Variants in SKA2 observed in about 807,000 individuals in gnomAD.
SKA2 encodes spindle and kinetochore associated complex subunit 2, also known as spindle and kinetochore-associated protein 2.
Under a neutral mutation model 16.9 loss-of-function variants are expected in SKA2, and 13 were observed. That is an observed-to-expected ratio of 0.77 (90% CI 0.50 to 1.22). The LOEUF (loss-of-function observed/expected upper bound fraction) is 1.22. SKA2 is among the 50% of genes most tolerant of loss of function. The pLI, the probability that SKA2 is intolerant of heterozygous loss-of-function variation, is 0.00. For missense variants in SKA2, 107 were observed against 139.7 expected (o/e 0.77, Z 1.18); for synonymous variants, 47 against 48.5 (o/e 0.97, Z 0.13).
intron 1 of SKA2, among the ~76,000 whole-genome samples, chr17:59,131,754 T>C (rs2046413157): frequency 6.6e-6 from 1 of 152,208 alleles, no homozygotes; most frequent in Non-Finnish European, 1.5e-5. Context: ...CACTTTCAAT[T>C]TAAAACACAG....
chr17:59,154,184 AAAAGAAAAG>A (rs1388610980), intron 1 of SKA2, among the ~76,000 whole-genome samples: 4 of 149,308 alleles, frequency 2.7e-5, no homozygotes, highest in Admixed American at 2.6e-4. Flanking sequence ...AAAAAAAAAA[AAAAGAAAAG>A]AAAAGAAAAA....
chr17:59,152,572 T>C (rs1235432597), intron 1 of SKA2, among the ~76,000 whole-genome samples: 2 of 147,574 alleles, frequency 1.4e-5, no homozygotes, highest in African/African-American at 5.1e-5. Flanking sequence ...AAACACTTTC[T>C]TTTCAAATTA....
At chr17:59,135,032 A>G (rs1354684254) in intron 1 of SKA2, among the ~76,000 whole-genome samples, 2 of 151,926 alleles carry the variant, frequency 1.3e-5, no homozygotes, top group East Asian at 1.9e-4. Flanking sequence ...ACGGGGTTTC[A>G]CCATATTGGC....
intron 2 of SKA2, among the ~76,000 whole-genome samples, chr17:59,120,979 C>T (rs1202563100): frequency 6.6e-6 from 1 of 151,750 alleles, no homozygotes; most frequent in East Asian, 2.0e-4. Flanking sequence ...GGTGAAACCC[C>T]GTCTCTACGA....
chr17:59,145,685 C>A (rs1180577979), intron 1 of SKA2, among the ~76,000 whole-genome samples: 1 of 151,974 alleles, frequency 6.6e-6, no homozygotes, highest in Non-Finnish European at 1.5e-5. Context: ...TGTTACTAGC[C>A]CGATCTAGAA....
chr17:59,149,556 T>G (rs2046561050), intron 1 of SKA2, among the ~76,000 whole-genome samples: 1 of 151,844 alleles, frequency 6.6e-6, no homozygotes, highest in Non-Finnish European at 1.5e-5. Flanking sequence ...CAAAGACATT[T>G]GGGAGGGCAA....
rs567129401 is a variant in SKA2 at position 59,125,281 on chromosome 17, G to A, written c.121-5786C>T. Among the ~76,000 whole-genome samples, 12 of 150,194 alleles carry A rather than the reference G, an allele frequency of 8.0e-5. No individual in the cohort carries two copies. The South Asian group carries it at 2.1e-3, about 26-fold the overall frequency. On this transcript the variant is annotated intron_variant, in intron 2 of 3. Transcript: ENST00000330137. Reference sequence around the variant, plus strand: ...GCTGGGATTACAGGTATGAGCCACCGCGCCCGGCCAGGAGCCTCTACGATT... The same window carrying A: ...GCTGGGATTACAGGTATGAGCCACCACGCCCGGCCAGGAGCCTCTACGATT...
intron 1 of SKA2, among the ~76,000 whole-genome samples, chr17:59,134,904 G>A (rs934741288): frequency 5.3e-5 from 8 of 151,676 alleles, no homozygotes; most frequent in Admixed American, 1.3e-4. Context: ...GCAACAACTC[G>A]GCTCACTACA....
At chr17:59,135,426 C>T (rs977567964) in intron 1 of SKA2, among the ~76,000 whole-genome samples, 1 of 151,186 alleles carries the variant, frequency 6.6e-6, no homozygotes, top group African/African-American at 2.4e-5. Context: ...AGGCAATTCT[C>T]CTGCCTCAGC....
chr17:59,134,520 T>C (rs1409793828), intron 1 of SKA2, among the ~76,000 whole-genome samples: 1 of 152,124 alleles, frequency 6.6e-6, no homozygotes, highest in Non-Finnish European at 1.5e-5. Flanking sequence ...CTGCTTGAAG[T>C]TTAGCATAAT....
chr17:59,117,564 AT>A (rs1423343601), intron 3 of SKA2, among the ~76,000 whole-genome samples: 1 of 150,256 alleles, frequency 6.7e-6, no homozygotes, highest in Admixed American at 6.6e-5. Flanking sequence ...AATTTAAAAT[AT>A]TTTTTTCTTC....
At chr17:59,115,055 C>CTT (rs776335145) in intron 3 of SKA2, among the ~76,000 whole-genome samples, 4 of 137,170 alleles carry the variant, frequency 2.9e-5, no homozygotes, top group African/African-American at 8.0e-5. Flanking sequence ...TTCTTTCTTC[C>CTT]TTTTTTTTTT....
At chr17:59,132,174 G>A (rs926720643) in intron 1 of SKA2, among the ~76,000 whole-genome samples, 6 of 152,010 alleles carry the variant, frequency 3.9e-5, no homozygotes, top group Non-Finnish European at 8.8e-5. Context: ...TGGCTAACAT[G>A]GTGAAACCTC....
At chr17:59,130,457 CAAAAAAAAAA>C (rs569934567) in intron 2 of SKA2, among the ~76,000 whole-genome samples, 4 of 70,394 alleles carry the variant, frequency 5.7e-5, no homozygotes, top group East Asian at 8.3e-4. Context: ...ACTAAAAATA[CAAAAAAAAAA>C]AAAAAAAAAA....
chr17:59,122,417 C>T (rs1022790174), intron 2 of SKA2, among the ~76,000 whole-genome samples: 2 of 152,152 alleles, frequency 1.3e-5, no homozygotes, highest in South Asian at 2.1e-4. Context: ...TCCAGAACAG[C>T]ATGGCCAACA....
At chr17:59,154,255 G>C (rs2046602803) in intron 1 of SKA2, among the ~76,000 whole-genome samples, 1 of 152,054 alleles carries the variant, frequency 6.6e-6, no homozygotes, top group African/African-American at 2.4e-5. Flanking sequence ...ACACTAAGAG[G>C]AAAAAAGCGC....
At chr17:59,144,086 G>A (rs536713367) in intron 1 of SKA2, among the ~76,000 whole-genome samples, 17 of 152,108 alleles carry the variant, frequency 1.1e-4, no homozygotes, top group African/African-American at 3.9e-4. Context: ...AACCCCAGAG[G>A]CCGAGGTTGC....
At chr17:59,150,333 A>T (rs1370841606) in intron 1 of SKA2, among the ~76,000 whole-genome samples, 1 of 152,220 alleles carries the variant, frequency 6.6e-6, no homozygotes, top group South Asian at 2.1e-4. Flanking sequence ...CATATTTTTT[A>T]AAAGTGATGA....
At chr17:59,137,427 G>A (rs566042286) in intron 1 of SKA2, among the ~76,000 whole-genome samples, 448 of 152,276 alleles carry the variant, frequency 2.9e-3, no homozygotes, top group African/African-American at 0.01. Context: ...CAACATGGTA[G>A]TATGGTACAG....
Sources: gnomAD v4.1 joint callset for allele counts (sites outside exome capture counted in the v4.1 genomes callset) on GRCh38, gnomAD v4.1.1 for gene constraint, MANE v1.5 for transcripts, NCBI Gene and HGNC (gene_info 2026-07-23, HGNC 2026-07-21) for gene names.